The following CORO1C variants were observed in gnomAD, a reference collection of about 807,000 sequenced individuals.
CORO1C encodes coronin 1C.
In CORO1C, 14 loss-of-function variants were observed where a neutral mutation model predicts 51.2. That is an observed-to-expected ratio of 0.27 (90% CI 0.18 to 0.43). The LOEUF is 0.43. Ranked by LOEUF, CORO1C falls within the 20% of genes least tolerant of loss-of-function variation. CORO1C has a pLI of 1.00. For synonymous variants in CORO1C, 181 were observed against 210.5 expected (o/e 0.86, Z 1.21); for missense variants, 417 against 607.8 (o/e 0.69, Z 3.30).
At chr12:108,719,010 T>C (rs2136885015) in intron 1 of CORO1C, among the ~76,000 whole-genome samples, 1 of 152,302 alleles carries the variant, frequency 6.6e-6, no homozygotes, top group African/African-American at 2.4e-5. Context: ...ACATTTGGGC[T>C]AAATATTCTA....
intron 6 of CORO1C, among the ~76,000 whole-genome samples, chr12:108,654,912 G>A (rs1017595465): frequency 7.9e-5 from 12 of 152,114 alleles, no homozygotes; most frequent in African/African-American, 2.9e-4. Context: ...CACCATGTTG[G>A]CCAGGCTGGT....
At chr12:108,705,346 G>C (rs2034995064) in intron 1 of CORO1C, among the ~76,000 whole-genome samples, 1 of 149,564 alleles carries the variant, frequency 6.7e-6, no homozygotes, top group African/African-American at 2.5e-5. Context: ...AGGAGTCCCA[G>C]CTACTAGGGA....
intron 8 of CORO1C, 35 bp downstream of exon 8, chr12:108,652,237 C>T: frequency 6.2e-7 from 1 of 1,600,890 alleles, no homozygotes; most frequent in Non-Finnish European, 8.5e-7. Context: ...CACAGTTACA[C>T]CAACCTAGAA....
chr12:108,687,924 C>CT (rs200001763), intron 2 of CORO1C, among the ~76,000 whole-genome samples: 42,718 of 143,836 alleles, frequency 0.3, 7,488 homozygotes, highest in South Asian at 0.45. Flanking sequence ...CCCTCTGACC[C>CT]TTTTTTTTTT....
chr12:108,701,273 G>C lies in CORO1C; in HGVS notation c.46C>G (p.Gln16Glu), dbSNP rs2034860645. The C allele has an allele frequency of 1.2e-6, 2 of 1,614,034 alleles. No individual in the cohort carries two copies. The highest frequency in any genetic ancestry group is 1.7e-6 in the Non-Finnish European group (2 of 1,180,034). The part of the protein sequence containing the change: ...RQSKFRHVFG[Q>E]AVKNDQCYDD... The stretch of plus-strand genomic sequence containing the variant: ...TAGCACTGGTCATTTTTCACCGCTT[G>C]CCCAAATACATGCCGAAACTTGCTC... The change falls in exon 2 of 11, where the codon CAA becomes GAA. Residue 16 changes from glutamine to glutamate, a missense_variant. Transcript: ENST00000261401.
chr12:108,715,899 C>T (rs992742116), intron 1 of CORO1C, among the ~76,000 whole-genome samples: 7 of 151,504 alleles, frequency 4.6e-5, no homozygotes, highest in Admixed American at 2.6e-4. Context: ...TTTGGGAGGC[C>T]GAGGCGGGTG....
intron 1 of CORO1C, among the ~76,000 whole-genome samples, chr12:108,718,832 A>G (rs1007393621): frequency 4.6e-5 from 7 of 152,246 alleles, no homozygotes; most frequent in African/African-American, 1.4e-4. Flanking sequence ...AATTTAACTC[A>G]CTGGAGATAA....
chr12:108,717,989 G>A lies in CORO1C; in HGVS notation c.-6+13440C>T, dbSNP rs1366969972. ...TCCCAGCACTTTGGGAGGCCAAGGC[G>A]GGTGGATCACCTGAGGTAAGGAGTT... On this transcript the variant is annotated intron_variant, in intron 1 of 10. Coordinates refer to ENST00000261401, the MANE Select transcript of CORO1C (RefSeq NM_014325.4). Among the ~76,000 whole-genome samples, 5 of 152,024 alleles carry A rather than the reference G, an allele frequency of 3.3e-5. No homozygotes were observed. In the East Asian group the frequency reaches 5.8e-4, roughly 18 times the overall value.
At chr12:108,649,305 C>A (rs1450183350) in intron 8 of CORO1C, 3 of 465,330 alleles carry the variant, frequency 6.4e-6, no homozygotes, top group Admixed American at 3.9e-5. Context: ...GGGGGACAGA[C>A]CAACTGTGGT....
intron 1 of CORO1C, among the ~76,000 whole-genome samples, chr12:108,706,720 G>A (rs757613425): frequency 3.3e-5 from 5 of 151,926 alleles, no homozygotes; most frequent in Admixed American, 1.3e-4. Context: ...TCAGCCTCCC[G>A]AGTAGCCGGG....
chr12:108,730,170 C>T (rs1422048791), intron 1 of CORO1C: 1 of 152,228 alleles, frequency 6.6e-6, no homozygotes. Context: ...GAACAACTTG[C>T]AATTTGCTTC....
chr12:108,731,140 G>A lies in CORO1C; in HGVS notation c.-6+289C>T, dbSNP rs1263566391. 1 of 152,932 alleles carries A rather than the reference G, an allele frequency of 6.5e-6. No individual in the cohort carries two copies. Among genetic ancestry groups the A allele is most frequent in the Non-Finnish European group, 1.5e-5 (1 of 68,668 alleles). 9.5% of individuals were successfully genotyped at this position (152,932 alleles called of 1,614,324 possible). A position where few individuals can be genotyped will look rare whatever the true frequency, so the allele number is the denominator to read the frequency against. On this transcript the variant is annotated intron_variant, in intron 1 of 10. Coordinates refer to ENST00000261401, the MANE Select transcript of CORO1C (RefSeq NM_014325.4). The surrounding 1 kb of genome is among the most constrained non-coding windows in gnomAD (Gnocchi z 5.2). The stretch of plus-strand genomic sequence containing the variant: ...TCCGCACCCGGCCAGGAGCGTTCCG[G>A]ACCTCGAAAGCCTCCTCCCCACAGG...
chr12:108,716,817 G>A (rs376117125), intron 1 of CORO1C, among the ~76,000 whole-genome samples: 1 of 152,272 alleles, frequency 6.6e-6, no homozygotes, highest in East Asian at 1.9e-4. Flanking sequence ...CATCCACAGG[G>A]TTATACGTAT....
At chr12:108,672,838 T>G (rs2033768032) in intron 3 of CORO1C, among the ~76,000 whole-genome samples, 1 of 152,216 alleles carries the variant, frequency 6.6e-6, no homozygotes, top group Non-Finnish European at 1.5e-5. Context: ...ATGTTACTAC[T>G]GTAATTGTTT....
At chr12:108,653,183 T>C (rs1343235705) in intron 7 of CORO1C, 1 of 152,212 alleles carries the variant, frequency 6.6e-6, no homozygotes, top group Non-Finnish European at 1.5e-5. Context: ...CTGAGATATC[T>C]AAAGCAATGG....
chr12:108,701,536 A>G lies in CORO1C; in HGVS notation c.-5-213T>C. On this transcript the variant is annotated intron_variant, in intron 1 of 10. Transcript: ENST00000261401. ...TCAGGGAAAGAATTACAAAGAAATGAAAAATTCCTAATTCAAGATCCAGAA... is the reference window on the plus strand; with the variant it reads ...TCAGGGAAAGAATTACAAAGAAATGGAAAATTCCTAATTCAAGATCCAGAA... The G allele has an allele frequency of 4.8e-6, 3 of 623,660 alleles. No homozygotes were observed. The South Asian group carries it at 6.1e-5, about 13-fold the overall frequency. 38.6% of individuals were successfully genotyped at this position (623,660 alleles called of 1,614,324 possible). A position where few individuals can be genotyped will look rare whatever the true frequency, so the allele number is the denominator to read the frequency against.
intron 1 of CORO1C, among the ~76,000 whole-genome samples, chr12:108,725,719 C>T (rs1299158797): frequency 2.0e-5 from 3 of 152,230 alleles, no homozygotes; most frequent in Admixed American, 1.3e-4. Context: ...TGCCACAATC[C>T]AAGCTTTAAC....
At chr12:108,719,418 AG>A (rs1256182585) in intron 1 of CORO1C, among the ~76,000 whole-genome samples, 1 of 152,222 alleles carries the variant, frequency 6.6e-6, no homozygotes, top group African/African-American at 2.4e-5. Flanking sequence ...CAAAGTCTAC[AG>A]TTTTTCAGAC....
intron 3 of CORO1C, among the ~76,000 whole-genome samples, chr12:108,667,809 A>G (rs965951538): frequency 6.6e-6 from 1 of 152,218 alleles, no homozygotes; most frequent in Non-Finnish European, 1.5e-5. Flanking sequence ...ACATGTTCAG[A>G]ACTACTGTAC....
Sources: gnomAD v4.1 joint callset for allele counts (sites outside exome capture counted in the v4.1 genomes callset) on GRCh38, gnomAD v4.1.1 for gene constraint, Gnocchi (gnomAD v3.1) non-coding constraint, MANE v1.5 for transcripts, NCBI Gene and HGNC (gene_info 2026-07-23, HGNC 2026-07-21) for gene names.